DLG5: variants seen among roughly 807,000 people sequenced by gnomAD.
DLG5 encodes disks large homolog 5.
DLG5 carries 48 observed loss-of-function variants against 189.8 expected under a neutral mutation model. The ratio of observed to expected loss-of-function variants is 0.25; its 90% CI spans 0.20 to 0.32. DLG5 has a LOEUF of 0.32. DLG5 is among the 10% of genes least tolerant of loss of function. The pLI is 1.00. For synonymous variants in DLG5, 1,016 were observed against 1,054.1 expected, an observed-to-expected ratio of 0.96 and a Z score of 0.70; for missense variants, 2,160 against 2,544.7, an observed-to-expected ratio of 0.85 and a Z score of 3.25.
chr10:77,905,771 C>G (rs1195770267), intron 1 of DLG5, among the ~76,000 whole-genome samples: 3 of 152,206 alleles, frequency 2.0e-5, no homozygotes, highest in African/African-American at 7.2e-5. Context: ...TTCCTCTTCT[C>G]TCTCTCGTCT....
intron 6 of DLG5, 149 bp downstream of exon 6, chr10:77,843,298 C>T (rs1843516268): frequency 1.1e-6 from 1 of 949,510 alleles, no homozygotes; most frequent in Non-Finnish European, 1.6e-6. Context: ...ATTCCCAAGA[C>T]ACATTCAGTG....
At chr10:77,798,564 T>C (rs924453770) in intron 27 of DLG5, among the ~76,000 whole-genome samples, 10 of 152,340 alleles carry the variant, frequency 6.6e-5, no homozygotes, top group East Asian at 1.9e-4. Flanking sequence ...CTGATTTTTA[T>C]ATGCTAAAGA....
intron 19 of DLG5, 30 bp from the exon 20 acceptor site, chr10:77,816,731 G>A (rs751803813): frequency 6.3e-6 from 10 of 1,577,414 alleles, no homozygotes; most frequent in Admixed American, 1.7e-5. Context: ...ATGCCGGTGT[G>A]AACTCCCATC....
At chr10:77,834,173 A>G (rs1843012324) in intron 8 of DLG5, 134 bp from the exon 9 acceptor site, 3 of 1,282,872 alleles carry the variant, frequency 2.3e-6, no homozygotes, top group Non-Finnish European at 3.1e-6. Flanking sequence ...GCACAGGAAC[A>G]CTTGGGAATC....
chr10:77,863,404 T>C (rs1036135284), intron 2 of DLG5, among the ~76,000 whole-genome samples: 6 of 152,196 alleles, frequency 3.9e-5, no homozygotes, highest in Non-Finnish European at 8.8e-5. Context: ...TAGCCTATTT[T>C]TTTAAGAAAA....
intron 1 of DLG5, among the ~76,000 whole-genome samples, chr10:77,883,691 CTTTTTTTTTTTT>C (rs36028891): frequency 2.1e-5 from 2 of 96,460 alleles, no homozygotes; most frequent in Admixed American, 2.7e-4. Context: ...TAACATTGTT[CTTTTTTTTTTTT>C]TTTTTTTTTT....
intron 31 of DLG5, 120 bp downstream of exon 31, chr10:77,793,888 T>A (rs1840768056): frequency 1.2e-6 from 1 of 841,344 alleles, no homozygotes; most frequent in Admixed American, 2.0e-5. Context: ...AACGTGCTCA[T>A]GACAGCACTT....
chr10:77,878,270 A>G (rs1845167810), intron 1 of DLG5, among the ~76,000 whole-genome samples: 1 of 152,240 alleles, frequency 6.6e-6, no homozygotes, highest in African/African-American at 2.4e-5. Context: ...TGTGACCTCA[A>G]ATAAGTTGCT....
chr10:77,871,732 C>T lies in DLG5; in HGVS notation c.305-2535G>A, dbSNP rs570227450. Among the ~76,000 whole-genome samples, 6 of 151,670 alleles carry T rather than the reference C, an allele frequency of 4.0e-5. No individual in the cohort carries two copies. The East Asian group carries it at 1.2e-3, about 29-fold the overall frequency. ...TAATTTTTTCTATTTTTAGTAGAGA[C>T]AGGGTTTTGCTATGTTGGCCAGGCT... On this transcript the variant is annotated intron_variant, in intron 1 of 31. Coordinates refer to ENST00000372391, the MANE Select transcript of DLG5 (RefSeq NM_004747.4).
intron 2 of DLG5, among the ~76,000 whole-genome samples, chr10:77,862,996 T>C (rs569160814): frequency 1.3e-5 from 2 of 152,328 alleles, no homozygotes; most frequent in East Asian, 3.9e-4. Flanking sequence ...AAAGTAGCAA[T>C]GGTTGCATGA....
chr10:77,819,981 G>A lies in DLG5; in HGVS notation c.3440C>T (p.Pro1147Leu), dbSNP rs767325906. 24 of 1,613,148 alleles carry A rather than the reference G, an allele frequency of 1.5e-5. No homozygotes were observed. The highest frequency in any genetic ancestry group is 2.2e-5 in the East Asian group (1 of 44,848). ...GTAAGGTGCCCACTCCTGGAGCTCC[G>A]GGGAGAGTTCTCCACTGGCCGGGAC... ...KCVPASGELSPELQEWAPYSP... is the reference protein window; with the variant it reads ...KCVPASGELSLELQEWAPYSP... Residue 1147 changes from proline to leucine, a missense_variant, in exon 16 of 32, where the codon CCG becomes CTG. Around this residue, in one of 5 missense-constraint regions of DLG5, gnomAD observed 754 missense variants for 746.5 expected, o/e 1.01. Transcript: ENST00000372391.
intron 2 of DLG5, chr10:77,867,844 C>A: frequency 2.3e-6 from 1 of 437,376 alleles, no homozygotes; most frequent in East Asian, 7.0e-5. Flanking sequence ...ATAGTCTTTA[C>A]AGATGATCAA....
chr10:77,871,521 A>C (rs1165935976), intron 1 of DLG5, among the ~76,000 whole-genome samples: 1 of 151,026 alleles, frequency 6.6e-6, no homozygotes, highest in Non-Finnish European at 1.5e-5. Flanking sequence ...CTCAACAAAA[A>C]CAATAAGCAT....
At chr10:77,815,497 T>C (rs902715454) in intron 20 of DLG5, among the ~76,000 whole-genome samples, 11 of 152,088 alleles carry the variant, frequency 7.2e-5, no homozygotes, top group Admixed American at 6.5e-4. Flanking sequence ...CTATCTCTAC[T>C]AAAAATACAA....
intron 5 of DLG5, among the ~76,000 whole-genome samples, chr10:77,849,376 C>T (rs911646577): frequency 2.0e-5 from 3 of 152,272 alleles, no homozygotes; most frequent in African/African-American, 7.2e-5. Flanking sequence ...ATCCCCGCTT[C>T]CTCTGCTGCT....
chr10:77,867,289 G>C (rs1844721184), intron 2 of DLG5, among the ~76,000 whole-genome samples: 1 of 152,188 alleles, frequency 6.6e-6, no homozygotes, highest in East Asian at 1.9e-4. Context: ...ATGTGCCTAG[G>C]AAAGGTAACG....
intron 5 of DLG5, among the ~76,000 whole-genome samples, chr10:77,847,090 G>A (rs777769237): frequency 2.6e-5 from 4 of 152,172 alleles, no homozygotes; most frequent in East Asian, 1.9e-4. Context: ...ATTCAGGGCC[G>A]TGTGAATCAG....
At chr10:77,805,461 G>A (rs1484261008) in intron 27 of DLG5, among the ~76,000 whole-genome samples, 3 of 152,278 alleles carry the variant, frequency 2.0e-5, no homozygotes, top group East Asian at 1.9e-4. Flanking sequence ...ATTGACAGGC[G>A]GTGACTGGGA....
Position 77,862,361 on chromosome 10 carries a change from T to C in DLG5, c.374-5469A>G, listed in dbSNP as rs141740055. ...GAACAACTGGATTTCTTGTATGCAA[T>C]AGACCTGCAAGCATTTGAAGACAAC... On this transcript the variant is annotated intron_variant, in intron 2 of 31. Coordinates refer to ENST00000372391, the MANE Select transcript of DLG5 (RefSeq NM_004747.4). Among the ~76,000 whole-genome samples the C allele has an allele frequency of 4.9e-3, 749 of 152,298 alleles. 5 individuals carry two copies. Among genetic ancestry groups the C allele is most frequent in the Non-Finnish European group, 5.2e-3 (353 of 68,026 alleles).
Sources: gnomAD v4.1 joint callset for allele counts (sites outside exome capture counted in the v4.1 genomes callset) on GRCh38, gnomAD v4.1.1 for gene constraint, gnomAD v4.1.1 regional missense constraint, MANE v1.5 for transcripts, NCBI Gene and HGNC (gene_info 2026-07-23, HGNC 2026-07-21) for gene names.